ITFG1: variants seen among roughly 807,000 people sequenced by gnomAD.
ITFG1 encodes T-cell immunomodulatory protein.
ITFG1 carries 34 observed loss-of-function variants against 81.8 expected under a neutral mutation model. The observed-to-expected ratio is 0.42, with a 90% CI of 0.32 to 0.55. The LOEUF (loss-of-function observed/expected upper bound fraction) is 0.55. Among genes scored for constraint, ITFG1 ranks in the 20% least tolerant of loss-of-function variants. The probability of loss-of-function intolerance (pLI) is 0.17; values close to 1 mark genes in which losing one functional copy is unlikely to be tolerated. For missense variants in ITFG1, 672 were observed against 755.4 expected, an observed-to-expected ratio of 0.89 and a Z score of 1.29; for synonymous variants, 285 against 270.6, an observed-to-expected ratio of 1.05 and a Z score of -0.52.
intron 6 of ITFG1, among the ~76,000 whole-genome samples, chr16:47,376,449 A>G (rs1968325909): frequency 6.6e-6 from 1 of 152,194 alleles, no homozygotes; most frequent in Non-Finnish European, 1.5e-5. Flanking sequence ...AATTCCAGCT[A>G]ACGAATGGTT....
intron 10 of ITFG1, among the ~76,000 whole-genome samples, chr16:47,270,776 A>G (rs926205769): frequency 1.3e-5 from 2 of 152,248 alleles, no homozygotes; most frequent in African/African-American, 4.8e-5. Context: ...TCTCAATATT[A>G]TTATGCAGCG....
intron 10 of ITFG1, among the ~76,000 whole-genome samples, chr16:47,302,447 G>A (rs1365318632): frequency 1.3e-5 from 2 of 151,696 alleles, no homozygotes; most frequent in African/African-American, 4.9e-5. Context: ...CTATTGAGAG[G>A]TGACAGCGTG....
At chr16:47,429,100 C>T (rs570798432) in intron 5 of ITFG1, among the ~76,000 whole-genome samples, 2 of 152,294 alleles carry the variant, frequency 1.3e-5, no homozygotes, top group African/African-American at 4.8e-5. Context: ...AACTCCAAAG[C>T]ATTTTCATCA....
intron 6 of ITFG1, among the ~76,000 whole-genome samples, chr16:47,413,230 A>C (rs1056436251): frequency 2.6e-5 from 4 of 152,202 alleles, no homozygotes; most frequent in Non-Finnish European, 5.9e-5. Context: ...GAGCAGAACC[A>C]ACCAAGAATT....
At chr16:47,190,390 T>C (rs1054965623) in intron 14 of ITFG1, among the ~76,000 whole-genome samples, 12 of 152,206 alleles carry the variant, frequency 7.9e-5, no homozygotes, top group African/African-American at 2.2e-4. Context: ...GTAGCTATTA[T>C]TACATACATG....
At chr16:47,263,463 C>A in intron 10 of ITFG1, 1 of 384,580 alleles carries the variant, frequency 2.6e-6, no homozygotes, top group South Asian at 2.3e-5. Context: ...AGTGACAATG[C>A]AGTTGATCTT....
chr16:47,386,633 A>G (rs1968466147), intron 6 of ITFG1, among the ~76,000 whole-genome samples: 1 of 152,190 alleles, frequency 6.6e-6, no homozygotes, highest in Admixed American at 6.5e-5. Flanking sequence ...CTTTGGTTCA[A>G]TGCCGGAAAG....
intron 14 of ITFG1, among the ~76,000 whole-genome samples, chr16:47,197,206 T>G (rs1019098681): frequency 1.3e-5 from 2 of 152,238 alleles, no homozygotes; most frequent in Non-Finnish European, 2.9e-5. Flanking sequence ...TTCTCAGATC[T>G]AGGAGAGATT....
chr16:47,200,762 C>T (rs980695313), intron 14 of ITFG1, among the ~76,000 whole-genome samples: 5 of 152,064 alleles, frequency 3.3e-5, no homozygotes, highest in African/African-American at 4.8e-5. Context: ...ATTCTGTGGC[C>T]CCATAGCAGA....
At chr16:47,443,600 G>A (rs1050210482) in intron 5 of ITFG1, among the ~76,000 whole-genome samples, 42 of 152,118 alleles carry the variant, frequency 2.8e-4, no homozygotes, top group African/African-American at 9.4e-4. Context: ...CCTTTGTGGG[G>A]ACATGGATGA....
chr16:47,174,634 C>A (rs1340088775), intron 14 of ITFG1, among the ~76,000 whole-genome samples: 1 of 152,150 alleles, frequency 6.6e-6, no homozygotes, highest in African/African-American at 2.4e-5. Context: ...AATTCTCCTG[C>A]CTCAGCCTCC....
At chr16:47,311,715 A>C (rs1295204247) in intron 9 of ITFG1, among the ~76,000 whole-genome samples, 1 of 152,206 alleles carries the variant, frequency 6.6e-6, no homozygotes, top group Non-Finnish European at 1.5e-5. Context: ...ATACACATCT[A>C]GTCAGATTAC....
rs116242823 is a variant in ITFG1 at position 47,240,972 on chromosome 16, T to C, written c.1331-2964A>G. On this transcript the variant is annotated intron_variant, in intron 12 of 17. Coordinates refer to ENST00000320640, the MANE Select transcript of ITFG1 (RefSeq NM_030790.5). Reference sequence around the variant, plus strand: ...GAGATGTGTTTCACAACAATGCAAATATACATAACTCCACTGAACTATACC... The same window carrying C: ...GAGATGTGTTTCACAACAATGCAAACATACATAACTCCACTGAACTATACC... 7.6e-3 allele frequency among the ~76,000 whole-genome samples: 1,153 copies of C among 151,874 alleles called. 23 individuals carry two copies. Among genetic ancestry groups the C allele is most frequent in the African/African-American group, 0.027 (1,111 of 41,412 alleles).
At chr16:47,445,581 GCTCTTTTGCATT>G (rs1256541503) in intron 5 of ITFG1, among the ~76,000 whole-genome samples, 1 of 152,144 alleles carries the variant, frequency 6.6e-6, no homozygotes, top group Non-Finnish European at 1.5e-5. Flanking sequence ...CATCTCACAT[GCTCTTTTGCATT>G]CAATTTTGCC....
At chr16:47,163,551 G>A (rs1387063084) in intron 14 of ITFG1, among the ~76,000 whole-genome samples, 2 of 152,068 alleles carry the variant, frequency 1.3e-5, no homozygotes, top group African/African-American at 4.8e-5. Flanking sequence ...TTAATTGATG[G>A]ACATTTCAGT....
intron 8 of ITFG1, among the ~76,000 whole-genome samples, chr16:47,316,837 C>G (rs1007641811): frequency 2.6e-5 from 4 of 152,158 alleles, no homozygotes; most frequent in African/African-American, 9.7e-5. Context: ...TAAGCAAATT[C>G]TCAGAGAAAT....
chr16:47,207,190 C>G (rs977832457), intron 14 of ITFG1, among the ~76,000 whole-genome samples: 4 of 152,154 alleles, frequency 2.6e-5, no homozygotes, highest in Admixed American at 2.6e-4. Context: ...TCATGCCATT[C>G]TCCCGCCTCA....
intron 14 of ITFG1, among the ~76,000 whole-genome samples, chr16:47,172,071 C>G (rs1418335055): frequency 6.6e-6 from 1 of 151,952 alleles, no homozygotes; most frequent in Non-Finnish European, 1.5e-5. Flanking sequence ...CCAACACTCC[C>G]AAATGTATAA....
At chr16:47,175,363 T>A (rs1405382340) in intron 14 of ITFG1, among the ~76,000 whole-genome samples, 1 of 150,684 alleles carries the variant, frequency 6.6e-6, no homozygotes, top group Admixed American at 6.6e-5. Context: ...ATTTAATAAT[T>A]TAAATTTAAA....
Sources: allele counts gnomAD v4.1 joint callset (sites outside exome capture counted in the v4.1 genomes callset), GRCh38; gene constraint gnomAD v4.1.1; transcripts MANE v1.5; gene names NCBI Gene and HGNC (gene_info 2026-07-23, HGNC 2026-07-21).